Variants in PSKH1 observed in about 807,000 individuals in gnomAD.
PSKH1 encodes serine/threonine-protein kinase H1.
In PSKH1, 12 loss-of-function variants were observed where a neutral mutation model predicts 26.7. The observed-to-expected ratio is 0.45, with a 90% CI of 0.29 to 0.73. The LOEUF is 0.73. PSKH1 is among the 30% of genes least tolerant of loss of function. The pLI, the probability that PSKH1 is intolerant of heterozygous loss-of-function variation, is 0.11. For missense variants in PSKH1, 431 were observed against 595.2 expected, an observed-to-expected ratio of 0.72 and a Z score of 2.87; for synonymous variants, 213 against 234.3, an observed-to-expected ratio of 0.91 and a Z score of 0.83.
intron 1 of PSKH1, among the ~76,000 whole-genome samples, chr16:67,908,304 C>T (rs2058162205): frequency 6.6e-6 from 1 of 152,164 alleles, no homozygotes; most frequent in Non-Finnish European, 1.5e-5. Flanking sequence ...GAGTCTTACT[C>T]TGTCACCCAG....
chr16:67,927,225 CCT>C lies in PSKH1; in HGVS notation c.958-93_958-92del, dbSNP rs1210707586. The C allele has an allele frequency of 1.8e-5, 22 of 1,249,354 alleles. No homozygotes were observed. In the South Asian group the frequency reaches 2.9e-4, roughly 16 times the overall value. 77.4% of individuals were successfully genotyped at this position (1,249,354 alleles called of 1,614,324 possible). On this transcript the variant is annotated intron_variant, in intron 2 of 2. Transcript: ENST00000291041. This position sits in a 1 kb window ranked among gnomAD's most constrained non-coding sequence, Gnocchi z 5.5. ...GTGCTACATGAGAGGAGGGGCAGCA[CCT>C]CTCTCTGGAAAGGGGAGGGTTGCTG...
chr16:67,903,101 T>C (rs558194748), intron 1 of PSKH1: 2 of 152,316 alleles, frequency 1.3e-5, no homozygotes, highest in East Asian at 3.9e-4. Context: ...TGTGGAGGAA[T>C]CTTTTCCTCT....
chr16:67,908,746 C>T lies in PSKH1; in HGVS notation c.-4C>T, dbSNP rs1320580762. 17 of 1,569,420 alleles carry T rather than the reference C, an allele frequency of 1.1e-5. No homozygotes were observed. The highest frequency in any genetic ancestry group is 4.5e-5 in the East Asian group (2 of 44,426). ...TCGCTGGAGAGGATGCCCTCGTGTC[C>T]GTGATGGGCTGTGGGACAAGCAAGG... On this transcript the variant is annotated 5_prime_UTR_variant, in exon 2 of 3. Transcript: ENST00000291041.
chr16:67,919,676 C>T (rs2058196769), intron 2 of PSKH1, among the ~76,000 whole-genome samples: 1 of 152,230 alleles, frequency 6.6e-6, no homozygotes, highest in African/African-American at 2.4e-5. Context: ...GTTTGGGCCA[C>T]TGGATGGAGG....
At chr16:67,894,209 A>G (rs989754944) in intron 1 of PSKH1, among the ~76,000 whole-genome samples, 2 of 152,140 alleles carry the variant, frequency 1.3e-5, no homozygotes, top group Non-Finnish European at 2.9e-5. Context: ...CTGGAGTGCA[A>G]TGGCTCATTC....
chr16:67,907,764 A>G (rs978634847), intron 1 of PSKH1, among the ~76,000 whole-genome samples: 2 of 152,148 alleles, frequency 1.3e-5, no homozygotes, highest in Non-Finnish European at 2.9e-5. Flanking sequence ...ACAGTGCATT[A>G]GCAAAGGAGT....
chr16:67,901,790 C>G (rs574822568), intron 1 of PSKH1, among the ~76,000 whole-genome samples: 82 of 152,124 alleles, frequency 5.4e-4, no homozygotes, highest in Non-Finnish European at 9.1e-4. Context: ...CATGCCACCA[C>G]GCCTGACTAA....
chr16:67,896,619 C>T (rs968910073), intron 1 of PSKH1, among the ~76,000 whole-genome samples: 21 of 148,276 alleles, frequency 1.4e-4, no homozygotes, highest in Admixed American at 5.4e-4. Flanking sequence ...CTTGGCTCAC[C>T]GCAACCTCTG....
At chr16:67,901,434 C>G (rs1017925571) in intron 1 of PSKH1, among the ~76,000 whole-genome samples, 1 of 152,112 alleles carries the variant, frequency 6.6e-6, no homozygotes, top group East Asian at 1.9e-4. Context: ...TGGGTTCAAG[C>G]AATTCTCCTG....
In PSKH1 at chr16:67,909,448, C is replaced by G; in HGVS notation, c.699C>G (p.Ser233=). The change falls in exon 2 of 3, where the codon TCC becomes TCG. Residue 233 remains serine, a synonymous_variant. Transcript: ENST00000291041. The surrounding 1 kb of genome is among the most constrained non-coding windows in gnomAD (Gnocchi z 7.8). ...TCTACTACCATCCGGGCACTGACTC[C>G]AAGATCATCATCACCGACTTCGGCC... The part of the protein sequence containing the change: ...NLLYYHPGTD[S]KIIITDFGLA... The G allele has an allele frequency of 6.2e-7, 1 of 1,613,604 alleles. No homozygotes were observed. The highest frequency in any genetic ancestry group is 1.6e-4 in the Middle Eastern group (1 of 6,062).
At chr16:67,925,132 A>G (rs1015821437) in intron 2 of PSKH1, among the ~76,000 whole-genome samples, 1 of 151,786 alleles carries the variant, frequency 6.6e-6, no homozygotes, top group African/African-American at 2.4e-5. Flanking sequence ...CTGTGATCCA[A>G]AAGCTATTGT....
intron 2 of PSKH1, among the ~76,000 whole-genome samples, chr16:67,920,169 C>T (rs2151314451): frequency 6.6e-6 from 1 of 152,330 alleles, no homozygotes; most frequent in South Asian, 2.1e-4. Context: ...AGAGCACTGC[C>T]TTTCACAGGC....
intron 1 of PSKH1, among the ~76,000 whole-genome samples, chr16:67,907,261 C>G (rs2058158942): frequency 6.6e-6 from 1 of 151,214 alleles, no homozygotes; most frequent in South Asian, 2.1e-4. Context: ...CCGCGCCTGG[C>G]CAACTCTTTT....
intron 2 of PSKH1, chr16:67,910,100 G>GT: frequency 5.0e-6 from 2 of 400,290 alleles, no homozygotes; most frequent in Non-Finnish European, 8.9e-6. Context: ...GTTTCTTTTT[G>GT]TTTTGTTTTT....
chr16:67,908,096 G>A (rs147925922), intron 1 of PSKH1, among the ~76,000 whole-genome samples: 1 of 152,284 alleles, frequency 6.6e-6, no homozygotes, highest in African/African-American at 2.4e-5. Flanking sequence ...GAGGCTATGC[G>A]TGTTCCTGCC....
intron 1 of PSKH1, among the ~76,000 whole-genome samples, chr16:67,894,745 T>C (rs749125997): frequency 1.4e-4 from 21 of 152,330 alleles, no homozygotes; most frequent in Non-Finnish European, 2.9e-4. Flanking sequence ...TGCTGACTTA[T>C]GAATGGATAG....
intron 1 of PSKH1, among the ~76,000 whole-genome samples, chr16:67,901,917 C>T (rs546200649): frequency 1.3e-5 from 2 of 152,088 alleles, no homozygotes; most frequent in Admixed American, 6.5e-5. Flanking sequence ...TAAACCACTG[C>T]GCCCTGATGC....
At chr16:67,896,818 G>A (rs1337037346) in intron 1 of PSKH1, among the ~76,000 whole-genome samples, 1 of 152,136 alleles carries the variant, frequency 6.6e-6, no homozygotes, top group African/African-American at 2.4e-5. Context: ...GCATAAATGA[G>A]CTAGAAAAAG....
intron 2 of PSKH1, among the ~76,000 whole-genome samples, chr16:67,914,812 C>A (rs2058182585): frequency 6.6e-6 from 1 of 152,118 alleles, no homozygotes; most frequent in African/African-American, 2.4e-5. Flanking sequence ...TGATTGTGTT[C>A]TGGGAGCACT....
Sources: gnomAD v4.1 joint callset for allele counts (sites outside exome capture counted in the v4.1 genomes callset) on GRCh38, gnomAD v4.1.1 for gene constraint, Gnocchi (gnomAD v3.1) non-coding constraint, MANE v1.5 for transcripts, NCBI Gene and HGNC (gene_info 2026-07-23, HGNC 2026-07-21) for gene names.